PCDH15: variants seen among roughly 807,000 people sequenced by gnomAD.
The protein encoded by PCDH15 is protocadherin related 15.
A neutral mutation model predicts 178.5 loss-of-function variants in PCDH15; 129 were observed. That is an observed-to-expected ratio of 0.72 (90% CI 0.63 to 0.84). The LOEUF (loss-of-function observed/expected upper bound fraction) is 0.84. Ranked by LOEUF, PCDH15 falls within the 40% of genes least tolerant of loss-of-function variation. The pLI is 0.00. For missense variants in PCDH15, 2,230 were observed against 2,099.9 expected (o/e 1.06, Z -1.21); for synonymous variants, 800 against 732.0 (o/e 1.09, Z -1.50).
chr10:53,905,856 T>C (rs2082645712), intron 25 of PCDH15, among the ~76,000 whole-genome samples: 2 of 151,874 alleles, frequency 1.3e-5, no homozygotes, highest in Non-Finnish European at 1.5e-5. Flanking sequence ...TTATACTTAA[T>C]TATAATATTT....
chr10:54,099,591 T>C lies in PCDH15; in HGVS notation c.1918-9528A>G, dbSNP rs868434099. Among the ~76,000 whole-genome samples, 6 of 149,792 alleles carry C rather than the reference T, an allele frequency of 4.0e-5. No homozygotes were observed. The South Asian group carries it at 1.3e-3, about 32-fold the overall frequency. On this transcript the variant is annotated intron_variant, in intron 15 of 37. Coordinates refer to ENST00000644397, the MANE Select transcript of PCDH15 (RefSeq NM_001384140.1). ...TAGTTATCAAAGATCAATTGTCCAT[T>C]AAGCCCCACACATCACAGCACTACT...
intron 15 of PCDH15, among the ~76,000 whole-genome samples, chr10:54,112,873 G>A (rs2095050697): frequency 6.6e-6 from 1 of 152,204 alleles, no homozygotes; most frequent in Non-Finnish European, 1.5e-5. Context: ...TCTCATGGAT[G>A]TTTGAAACTT....
chr10:54,243,829 A>G (rs557392112), intron 8 of PCDH15, among the ~76,000 whole-genome samples: 5 of 152,126 alleles, frequency 3.3e-5, no homozygotes, highest in African/African-American at 1.2e-4. Context: ...ATTATTTTAA[A>G]AAATAGTAAC....
rs1018059205 is a variant in PCDH15 at position 53,804,717 on chromosome 10, G to A, written c.*1862C>T. ...TGATTGAATTAGTAGGGAAATATAT[G>A]CTTAATCTAATTCCTATACAAAGTA... On this transcript the variant is annotated 3_prime_UTR_variant, in exon 38 of 38. Transcript: ENST00000644397. 1.1e-4 allele frequency: 17 copies of A among 152,050 alleles called. No individual in the cohort carries two copies. Among genetic ancestry groups the A allele is most frequent in the African/African-American group, 2.9e-4 (12 of 41,540 alleles). The allele number at this position is 152,050 out of a possible 1,614,324, so 9.4% of individuals were successfully genotyped here. A position where few individuals can be genotyped will look rare whatever the true frequency, so the allele number is the denominator to read the frequency against.
At chr10:55,235,484 TCA>T (rs1841352478) in intron 1 of PCDH15, among the ~76,000 whole-genome samples, 1 of 152,162 alleles carries the variant, frequency 6.6e-6, no homozygotes, top group Non-Finnish European at 1.5e-5. Context: ...CAGAAAGTTC[TCA>T]TTCAATAGAA....
chr10:55,344,323 GA>G (rs1249520789), intron 2 of PCDH15, among the ~76,000 whole-genome samples: 1 of 152,056 alleles, frequency 6.6e-6, no homozygotes, highest in Non-Finnish European at 1.5e-5. Flanking sequence ...CACACATTTG[GA>G]TTTTGGTTTG....
chr10:55,427,335 G>A (rs1020234467), intron 2 of PCDH15, among the ~76,000 whole-genome samples: 1 of 152,176 alleles, frequency 6.6e-6, no homozygotes. Flanking sequence ...AGAACACAAT[G>A]TTATAAGGGT....
At chr10:54,319,896 T>G (rs1299953279) in intron 7 of PCDH15, among the ~76,000 whole-genome samples, 2 of 152,086 alleles carry the variant, frequency 1.3e-5, no homozygotes, top group Non-Finnish European at 2.9e-5. Flanking sequence ...GGGTAAAGTT[T>G]TAGGAAACAC....
At chr10:55,454,765 A>G (rs182072255) in intron 2 of PCDH15, among the ~76,000 whole-genome samples, 59 of 135,624 alleles carry the variant, frequency 4.4e-4, no homozygotes, top group African/African-American at 1.6e-3. Context: ...AGCCTGGGCA[A>G]CAGAGACTCT....
At chr10:54,037,762 T>G (rs543392259) in intron 18 of PCDH15, among the ~76,000 whole-genome samples, 1 of 152,098 alleles carries the variant, frequency 6.6e-6, no homozygotes, top group Admixed American at 6.6e-5. Context: ...CTACAACCTA[T>G]CTACCAAGAA....
intron 25 of PCDH15, among the ~76,000 whole-genome samples, chr10:53,918,062 T>C (rs2083676683): frequency 6.6e-6 from 1 of 152,028 alleles, no homozygotes; most frequent in African/African-American, 2.4e-5. Context: ...CAAGATAAAA[T>C]ATATTTTCTT....
rs532372519 is a variant in PCDH15 at position 54,283,998 on chromosome 10, AT to A, written c.876+33272del. 3.2e-3 allele frequency among the ~76,000 whole-genome samples: 482 copies of A among 152,202 alleles called. 6 individuals are homozygous for A. The highest frequency in any genetic ancestry group is 9.0e-3 in the African/African-American group (373 of 41,550). On this transcript the variant is annotated intron_variant, in intron 8 of 37. Transcript: ENST00000644397. ...AGGTGCATGCCACTATGCCCAAATA[AT>A]TTTAAAAAAATTTTTAACAGAAACG...
intron 23 of PCDH15, among the ~76,000 whole-genome samples, chr10:53,959,002 A>T (rs1286784628): frequency 6.7e-6 from 1 of 149,786 alleles, no homozygotes; most frequent in East Asian, 1.9e-4. Context: ...AAAAAAAAAA[A>T]AAGAACAGAA....
At chr10:55,233,650 C>G (rs749152159) in intron 1 of PCDH15, among the ~76,000 whole-genome samples, 7 of 151,892 alleles carry the variant, frequency 4.6e-5, no homozygotes, top group Non-Finnish European at 8.8e-5. Context: ...CTAATCTCCT[C>G]CCTAGATATG....
intron 37 of PCDH15, among the ~76,000 whole-genome samples, chr10:53,810,066 AAAGTAT>A (rs1321911607): frequency 1.3e-5 from 2 of 152,162 alleles, no homozygotes; most frequent in African/African-American, 4.8e-5. Context: ...TAGTGAAGAC[AAAGTAT>A]AAGAATTTTA....
At chr10:54,996,296 G>A (rs1839642399) in intron 2 of PCDH15, among the ~76,000 whole-genome samples, 1 of 152,174 alleles carries the variant, frequency 6.6e-6, no homozygotes, top group African/African-American at 2.4e-5. Flanking sequence ...AGTTTGGATG[G>A]CTGAGTGTCT....
At chr10:53,918,044 C>G (rs1030606947) in intron 25 of PCDH15, among the ~76,000 whole-genome samples, 3 of 152,112 alleles carry the variant, frequency 2.0e-5, no homozygotes, top group Non-Finnish European at 4.4e-5. Context: ...GCCTGTAGAA[C>G]CATGAACCAA....
chr10:54,831,121 C>T (rs1953218781), intron 3 of PCDH15, among the ~76,000 whole-genome samples: 2 of 152,080 alleles, frequency 1.3e-5, no homozygotes, highest in Non-Finnish European at 2.9e-5. Context: ...TAAATATAAT[C>T]ATTCAGCGTA....
At chr10:54,551,440 T>C (rs1379931901) in intron 2 of PCDH15, among the ~76,000 whole-genome samples, 1 of 152,028 alleles carries the variant, frequency 6.6e-6, no homozygotes, top group Non-Finnish European at 1.5e-5. Flanking sequence ...TTCTGAATCA[T>C]AACAGAATGA....
Sources: gnomAD v4.1 joint callset for allele counts (sites outside exome capture counted in the v4.1 genomes callset) on GRCh38, gnomAD v4.1.1 for gene constraint, MANE v1.5 for transcripts, NCBI Gene and HGNC (gene_info 2026-07-23, HGNC 2026-07-21) for gene names.